The following EXTL3 variants were observed in gnomAD, a reference collection of about 807,000 sequenced individuals.
The protein encoded by EXTL3 is exostosin-like 3.
Under a neutral mutation model 69.3 loss-of-function variants are expected in EXTL3, and 27 were observed. That is an observed-to-expected ratio of 0.39 (90% CI 0.29 to 0.54). EXTL3 has a LOEUF of 0.54. EXTL3 is among the 20% of genes least tolerant of loss of function. The probability of loss-of-function intolerance (pLI) is 0.69; values close to 1 mark genes in which losing one functional copy is unlikely to be tolerated. For missense variants in EXTL3, 1,003 were observed against 1,231.8 expected, an observed-to-expected ratio of 0.81 and a Z score of 2.78; for synonymous variants, 511 against 499.4, an observed-to-expected ratio of 1.02 and a Z score of -0.31.
upstream of EXTL3, among the ~76,000 whole-genome samples, chr8:28,620,696 C>T (rs1010283126): frequency 6.6e-6 from 1 of 152,052 alleles, no homozygotes; most frequent in African/African-American, 2.4e-5. Context: ...TATATTTAAC[C>T]GTTTAGCTTT....
rs1224122428 is a variant in EXTL3, at chr8:28,717,403, A to G, written c.1344A>G (p.Ala448=). 2 of 1,614,142 alleles carry G rather than the reference A, an allele frequency of 1.2e-6. No homozygotes were observed. The highest frequency in any genetic ancestry group is 1.7e-6 in the Non-Finnish European group (2 of 1,180,022). The part of the protein sequence containing the change: ...DPRLVISSGC[A]TRLFEALEVG... ...GCTTGGTTATTTCCTCTGGGTGTGC[A>G]ACACGGCTCTTCGAAGCCCTGGAAG... The change falls in exon 3 of 7, where the codon GCA becomes GCG. Residue 448 remains alanine, a synonymous_variant. Transcript: ENST00000220562. This position sits in a 1 kb window ranked among gnomAD's most constrained non-coding sequence, Gnocchi z 8.3.
chr8:28,639,352 G>A lies in EXTL3; in HGVS notation c.-53+16542G>A, dbSNP rs181876641. Among the ~76,000 whole-genome samples, 791 of 152,244 alleles carry A rather than the reference G, an allele frequency of 5.2e-3. 3 individuals carry two copies. The highest frequency in any genetic ancestry group is 0.018 in the African/African-American group (737 of 41,534). On this transcript the variant is annotated intron_variant, in intron 1 of 6. Coordinates refer to the EXTL3 transcript ENST00000523149. ...AATCTAATTCAGGTCACTGTCCTTTGTCTCCATCCCTGTCCGACCTCCTGG... is the reference window on the plus strand; with the variant it reads ...AATCTAATTCAGGTCACTGTCCTTTATCTCCATCCCTGTCCGACCTCCTGG...
intron 1 of EXTL3, among the ~76,000 whole-genome samples, chr8:28,668,438 T>C (rs769697933): frequency 4.0e-5 from 6 of 148,660 alleles, no homozygotes; most frequent in Non-Finnish European, 8.9e-5. Flanking sequence ...TTCAAGCAAT[T>C]CTCCTGCCTC....
chr8:28,670,857 C>T (rs1189069842), intron 1 of EXTL3, among the ~76,000 whole-genome samples: 1 of 152,216 alleles, frequency 6.6e-6, no homozygotes, highest in African/African-American at 2.4e-5. Flanking sequence ...AAAGTGCCTC[C>T]TCCTCAATAT....
rs55737430 is a variant in EXTL3, at chr8:28,713,903, CTTTTTTT to C, written c.-476+367_-476+373del. Among the ~76,000 whole-genome samples, 153 of 113,788 alleles carry C rather than the reference CTTTTTTT, an allele frequency of 1.3e-3. 2 individuals are homozygous for C. Among genetic ancestry groups the C allele is most frequent in the African/African-American group, 5.1e-3 (145 of 28,236 alleles). The allele number at this position is 113,788 out of a possible 152,430, so 74.6% of individuals were successfully genotyped here. A position where few individuals can be genotyped will look rare whatever the true frequency, so the allele number is the denominator to read the frequency against. On this transcript the variant is annotated intron_variant, in intron 2 of 6. Coordinates refer to ENST00000220562, the MANE Select transcript of EXTL3 (RefSeq NM_001440.4). ...TTCTAATATCCTCTTTTCTTTCTTTCTTTTTTTTTTTTTTTTTTTTGAGATGGTATTT... is the reference window on the plus strand; with the variant it reads ...TTCTAATATCCTCTTTTCTTTCTTTCTTTTTTTTTTTTTGAGATGGTATTT...
chr8:28,665,416 CTTT>C (rs34069791), intron 1 of EXTL3, among the ~76,000 whole-genome samples: 6 of 115,426 alleles, frequency 5.2e-5, no homozygotes, highest in Admixed American at 9.0e-5. Flanking sequence ...CACTTGTTTA[CTTT>C]TTTTTTTTTT....
intron 6 of EXTL3, among the ~76,000 whole-genome samples, chr8:28,747,452 C>T (rs1029959713): frequency 6.6e-5 from 10 of 152,128 alleles, no homozygotes; most frequent in African/African-American, 2.4e-4. Flanking sequence ...TGGGCTCTGA[C>T]GGCGCATACT....
At chr8:28,608,066 T>C (rs1403516968) in intron 2 of EXTL3, among the ~76,000 whole-genome samples, 15 of 148,668 alleles carry the variant, frequency 1.0e-4, no homozygotes, top group Middle Eastern at 3.2e-3. Flanking sequence ...GCCGAGATCG[T>C]GCCACTGCAC....
At chr8:28,696,050 C>T (rs1175245216) in intron 1 of EXTL3, 2 of 152,084 alleles carry the variant, frequency 1.3e-5, no homozygotes, top group African/African-American at 2.4e-5. Flanking sequence ...CTAAGTGTGC[C>T]ACCATGCCAG....
At chr8:28,671,191 A>C (rs953243878) in intron 1 of EXTL3, among the ~76,000 whole-genome samples, 3 of 151,800 alleles carry the variant, frequency 2.0e-5, no homozygotes, top group Non-Finnish European at 4.4e-5. Flanking sequence ...CATGTTGGCT[A>C]GGCTAGTCTT....
At chr8:28,614,481 T>C (rs1030461166) in intron 2 of EXTL3, among the ~76,000 whole-genome samples, 3 of 151,988 alleles carry the variant, frequency 2.0e-5, no homozygotes, top group Non-Finnish European at 4.4e-5. Context: ...ACCATGTTGC[T>C]CAGGCTGATC....
At chr8:28,690,854 A>C (rs996904032) in intron 1 of EXTL3, among the ~76,000 whole-genome samples, 3 of 152,160 alleles carry the variant, frequency 2.0e-5, no homozygotes, top group Admixed American at 6.5e-5. Flanking sequence ...CATTGGCCAC[A>C]CAGATGGATC....
intron 1 of EXTL3, chr8:28,622,940 C>T (rs1201349494): frequency 1.3e-5 from 2 of 152,130 alleles, no homozygotes; most frequent in African/African-American, 4.8e-5. Flanking sequence ...GGGCTTTACC[C>T]GGGGGATCGA....
intron 1 of EXTL3, among the ~76,000 whole-genome samples, chr8:28,663,189 T>C (rs1215867583): frequency 1.3e-5 from 2 of 152,202 alleles, no homozygotes; most frequent in Non-Finnish European, 2.9e-5. Flanking sequence ...TGTGGTTATA[T>C]GTTGGTTCAG....
At chr8:28,704,046 C>T (rs1455087181) in intron 1 of EXTL3, among the ~76,000 whole-genome samples, 1 of 152,180 alleles carries the variant, frequency 6.6e-6, no homozygotes, top group Non-Finnish European at 1.5e-5. Context: ...TTGCCTGAAC[C>T]AGTTGCACAG....
chr8:28,722,315 T>G (rs1183987021), intron 3 of EXTL3, among the ~76,000 whole-genome samples: 5 of 152,128 alleles, frequency 3.3e-5, no homozygotes, highest in Non-Finnish European at 7.4e-5. Context: ...GCACATGATT[T>G]TTATGGAACT....
intron 1 of EXTL3, among the ~76,000 whole-genome samples, chr8:28,636,597 A>G (rs1413418593): frequency 6.6e-6 from 1 of 152,094 alleles, no homozygotes; most frequent in African/African-American, 2.4e-5. Flanking sequence ...GCACAGTTTG[A>G]GTTGGTTTTT....
At chr8:28,702,705 A>G (rs1412564942) in intron 1 of EXTL3, among the ~76,000 whole-genome samples, 3 of 151,470 alleles carry the variant, frequency 2.0e-5, no homozygotes, top group African/African-American at 7.3e-5. Flanking sequence ...CATGTCCATT[A>G]TTTCCCCCAT....
chr8:28,659,043 C>A (rs1428497215), intron 1 of EXTL3, among the ~76,000 whole-genome samples: 1 of 152,112 alleles, frequency 6.6e-6, no homozygotes, highest in Non-Finnish European at 1.5e-5. Flanking sequence ...TTCCTAAGTA[C>A]GGCTGAAGGA....
Sources: gnomAD v4.1 joint callset for allele counts (sites outside exome capture counted in the v4.1 genomes callset) on GRCh38, gnomAD v4.1.1 for gene constraint, Gnocchi (gnomAD v3.1) non-coding constraint, MANE v1.5 for transcripts, NCBI Gene and HGNC (gene_info 2026-07-23, HGNC 2026-07-21) for gene names.